Variants in SMIM8 observed in about 807,000 individuals in gnomAD.
SMIM8 encodes small integral membrane protein 8, also known as UPF0708 protein C6orf162.
Under a neutral mutation model 8.1 loss-of-function variants are expected in SMIM8, and 8 were observed. The ratio of observed to expected loss-of-function variants is 0.99; its 90% confidence interval spans 0.58 to 1.78. The LOEUF (loss-of-function observed/expected upper bound fraction) is 1.78. SMIM8 is among the 40% of genes most tolerant of loss of function. The probability of loss-of-function intolerance (pLI) is 0.00; values close to 1 mark genes in which losing one functional copy is unlikely to be tolerated. For synonymous variants in SMIM8, 45 were observed against 39.7 expected, an observed-to-expected ratio of 1.13 and a Z score of -0.50; for missense variants, 126 against 119.8, an observed-to-expected ratio of 1.05 and a Z score of -0.24.
chr6:87,324,559 T>C (rs1776767809), intron 1 of SMIM8, among the ~76,000 whole-genome samples: 1 of 151,128 alleles, frequency 6.6e-6, no homozygotes. Flanking sequence ...TTCTCAGGTT[T>C]GTCAAAGATC....
At chr6:87,326,317 T>C (rs575013804) in intron 1 of SMIM8, among the ~76,000 whole-genome samples, 1 of 152,350 alleles carries the variant, frequency 6.6e-6, no homozygotes, top group East Asian at 1.9e-4. Context: ...AGCTTTTGAA[T>C]GTGTTTGCTC....
At chr6:87,323,739 G>A (rs1776736195) in intron 1 of SMIM8, among the ~76,000 whole-genome samples, 1 of 152,100 alleles carries the variant, frequency 6.6e-6, no homozygotes, top group Admixed American at 6.5e-5. Flanking sequence ...AAACATACGT[G>A]TGCTTGTGTC....
In SMIM8 at chr6:87,341,480, G is replaced by GT. The variant is rs1562226771; in HGVS notation, c.*1209dup. The stretch of plus-strand genomic sequence containing the variant: ...TCTTTCTTACAAGGGTTCTGGACCC[G>GT]TTTCATTTCTAGATATATACCTAAT... On this transcript the variant is annotated 3_prime_UTR_variant, in exon 4 of 4. Transcript: ENST00000392863. The GT allele has an allele frequency of 2.6e-6, 1 of 391,542 alleles. No homozygotes were observed. Among genetic ancestry groups the GT allele is most frequent in the Admixed American group, 4.4e-5 (1 of 22,536 alleles). The allele number at this position is 391,542 out of a possible 1,614,324, so 24.3% of individuals were successfully genotyped here.
At chr6:87,323,734 T>C (rs1562218942) in intron 1 of SMIM8, among the ~76,000 whole-genome samples, 1 of 152,126 alleles carries the variant, frequency 6.6e-6, no homozygotes, top group African/African-American at 2.4e-5. Context: ...GCAATAAACA[T>C]ACGTGTGCTT....
chr6:87,326,463 T>G (rs1045050225), intron 1 of SMIM8, among the ~76,000 whole-genome samples: 1 of 152,198 alleles, frequency 6.6e-6, no homozygotes, highest in Non-Finnish European at 1.5e-5. Context: ...TCTGGTATTT[T>G]GTGTCTTTGT....
intron 3 of SMIM8, among the ~76,000 whole-genome samples, chr6:87,339,329 T>C (rs1320376373): frequency 1.1e-3 from 18 of 16,502 alleles, no homozygotes; most frequent in South Asian, 2.8e-3. Flanking sequence ...ACACAGCGTG[T>C]GTGTGTGTGT....
In SMIM8 at chr6:87,340,598, A is replaced by G. The variant is rs1051462656; in HGVS notation, c.*324A>G. 5.9e-6 allele frequency: 1 copy of G among 169,276 alleles called. No homozygotes were observed. The highest frequency in any genetic ancestry group is 2.4e-5 in the African/African-American group (1 of 42,272). The allele number at this position is 169,276 out of a possible 1,614,324, so 10.5% of individuals were successfully genotyped here. On this transcript the variant is annotated 3_prime_UTR_variant, in exon 4 of 4. Transcript: ENST00000392863. ...TGCTGTTAAATTTGCATGATGTTTT[A>G]AATATTTTAAGATGAATTATGCCGG...
At chr6:87,323,959 T>G (rs913334259) in intron 1 of SMIM8, among the ~76,000 whole-genome samples, 13 of 151,586 alleles carry the variant, frequency 8.6e-5, no homozygotes, top group African/African-American at 2.7e-4. Context: ...TTTTAATGAT[T>G]GCCATTCTAA....
intron 1 of SMIM8, among the ~76,000 whole-genome samples, chr6:87,324,794 C>A (rs945085772): frequency 1.3e-5 from 2 of 152,122 alleles, no homozygotes; most frequent in Non-Finnish European, 2.9e-5. Context: ...TAGCTTTTTC[C>A]AATTCTATGA....
rs79535608 is a variant in SMIM8, at chr6:87,336,518, A to G, written c.-23-491A>G. ...AGTTCGTGTGTGGGCTAGTGGAGGA[A>G]GACAGAGGAGCAGTGGGGGAAACTG... On this transcript the variant is annotated intron_variant, in intron 2 of 3. Coordinates refer to ENST00000392863, the MANE Select transcript of SMIM8 (RefSeq NM_001042493.3). Among the ~76,000 whole-genome samples the G allele has an allele frequency of 2.0e-5, 3 of 152,296 alleles. No homozygotes were observed. The East Asian group carries it at 5.8e-4, about 29-fold the overall frequency.
chr6:87,336,424 A>G (rs1213286550), intron 2 of SMIM8, among the ~76,000 whole-genome samples: 1 of 152,220 alleles, frequency 6.6e-6, no homozygotes, highest in Non-Finnish European at 1.5e-5. Context: ...TAACCTACCC[A>G]GAAAGTTGCT....
rs554667733 is a variant in SMIM8 at position 87,328,773 on chromosome 6, G to A, written c.-44-1919G>A. 4.6e-3 allele frequency among the ~76,000 whole-genome samples: 703 copies of A among 152,322 alleles called. 2 individuals are homozygous for A. Among genetic ancestry groups the A allele is most frequent in the African/African-American group, 0.016 (668 of 41,560 alleles). On this transcript the variant is annotated intron_variant, in intron 1 of 3. Transcript: ENST00000392863. ...GGCAGGCCTCCTTGAGCTGTGGTGG[G>A]CTCCACCCAGTTCGAGCTTCCCAGC...
At chr6:87,323,310 C>T (rs534276977) in intron 1 of SMIM8, among the ~76,000 whole-genome samples, 1 of 152,216 alleles carries the variant, frequency 6.6e-6, no homozygotes, top group South Asian at 2.1e-4. Flanking sequence ...TTTTAGGGTA[C>T]ATGTGCACAA....
chr6:87,336,866 T>C (rs184388220), intron 2 of SMIM8, 143 bp from the exon 3 acceptor site: 120 of 537,636 alleles, frequency 2.2e-4, no homozygotes, highest in African/African-American at 2.1e-3. Flanking sequence ...AAGTACATTA[T>C]ACAAAGTAAT....
chr6:87,338,270 T>C (rs1170125864), intron 3 of SMIM8, among the ~76,000 whole-genome samples: 2 of 152,194 alleles, frequency 1.3e-5, no homozygotes, highest in African/African-American at 4.8e-5. Flanking sequence ...AGGAAGAAAC[T>C]GAGGCAAATT....
intron 1 of SMIM8, among the ~76,000 whole-genome samples, chr6:87,328,577 C>T (rs1776901832): frequency 6.6e-6 from 1 of 152,086 alleles, no homozygotes; most frequent in Non-Finnish European, 1.5e-5. Flanking sequence ...GGTCAGGGGT[C>T]AGGGACCCAC....
chr6:87,327,499 C>T (rs1374553275), intron 1 of SMIM8, among the ~76,000 whole-genome samples: 1 of 150,630 alleles, frequency 6.6e-6, no homozygotes, highest in African/African-American at 2.4e-5. Context: ...TATTTTATTT[C>T]TCCTTCACTT....
In SMIM8 at chr6:87,337,180, C is replaced by G; in HGVS notation, c.135+14C>G. On this transcript the variant is annotated intron_variant, in intron 3 of 3. Transcript: ENST00000392863. ...TTCATTAAACCTGTAAGAAATACATCCAGGATAAGACTTTGTGTTTAATCC... is the reference window on the plus strand; with the variant it reads ...TTCATTAAACCTGTAAGAAATACATGCAGGATAAGACTTTGTGTTTAATCC... The G allele has an allele frequency of 1.2e-6, 2 of 1,601,602 alleles. No individual in the cohort carries two copies. Among genetic ancestry groups the G allele is most frequent in the Non-Finnish European group, 1.7e-6 (2 of 1,174,178 alleles).
intron 2 of SMIM8, among the ~76,000 whole-genome samples, chr6:87,334,438 T>C (rs1582094774): frequency 8.4e-6 from 1 of 118,470 alleles, no homozygotes; most frequent in Admixed American, 7.9e-5. Flanking sequence ...CAGTGGCTTG[T>C]TTGTTTGTTT....
Sources: allele counts gnomAD v4.1 joint callset (sites outside exome capture counted in the v4.1 genomes callset), GRCh38; gene constraint gnomAD v4.1.1; transcripts MANE v1.5; gene names NCBI Gene and HGNC (gene_info 2026-07-23, HGNC 2026-07-21).